Variants in MCTP1 observed in about 807,000 individuals in gnomAD.
MCTP1 encodes the protein multiple C2 and transmembrane domain-containing protein 1.
MCTP1 carries 69 observed loss-of-function variants against 120.6 expected under a neutral mutation model. The observed-to-expected ratio is 0.57, with a 90% CI of 0.47 to 0.70. MCTP1 has a LOEUF of 0.70. Ranked by LOEUF, MCTP1 falls within the 30% of genes least tolerant of loss-of-function variation. MCTP1 has a pLI of 0.00. For synonymous variants in MCTP1, 529 were observed against 493.1 expected (o/e 1.07, Z -0.96); for missense variants, 1,203 against 1,248.8 (o/e 0.96, Z 0.55).
intron 19 of MCTP1, among the ~76,000 whole-genome samples, chr5:94,738,327 A>C (rs569577776): frequency 6.6e-6 from 1 of 152,116 alleles, no homozygotes; most frequent in Non-Finnish European, 1.5e-5. Context: ...AAGAATTGCC[A>C]TTTATATCAT....
intron 1 of MCTP1, among the ~76,000 whole-genome samples, chr5:95,220,894 A>G (rs1451624205): frequency 6.6e-6 from 1 of 152,242 alleles, no homozygotes; most frequent in Admixed American, 6.5e-5. Flanking sequence ...AATGATTTAG[A>G]AAAGGCAGTA....
chr5:95,028,442 C>T (rs1199344294), intron 1 of MCTP1, among the ~76,000 whole-genome samples: 2 of 152,132 alleles, frequency 1.3e-5, no homozygotes, highest in African/African-American at 4.8e-5. Flanking sequence ...AATACTCAGA[C>T]CCAATAAATG....
At chr5:95,275,106 G>A (rs1331443599) in intron 1 of MCTP1, among the ~76,000 whole-genome samples, 1 of 152,156 alleles carries the variant, frequency 6.6e-6, no homozygotes, top group Non-Finnish European at 1.5e-5. Flanking sequence ...GACAACACAT[G>A]CCTAGCACTT....
rs187274803 is a variant in MCTP1 at position 95,260,122 on chromosome 5, T to C, written c.720+23734A>G. 1.4e-3 allele frequency among the ~76,000 whole-genome samples: 212 copies of C among 152,296 alleles called. 1 individual carries two copies. The highest frequency in any genetic ancestry group is 4.9e-3 in the African/African-American group (202 of 41,558). The stretch of plus-strand genomic sequence containing the variant: ...TCTGTAATCTGTATCAACTATGCCT[T>C]CCCCATGTATCTGTAAGGGTATTTT... On this transcript the variant is annotated intron_variant, in intron 1 of 22. Coordinates refer to ENST00000515393, the MANE Select transcript of MCTP1 (RefSeq NM_024717.7).
chr5:95,276,931 C>G lies in MCTP1; in HGVS notation c.720+6925G>C, dbSNP rs186284601. On this transcript the variant is annotated intron_variant, in intron 1 of 22. Transcript: ENST00000515393. The stretch of plus-strand genomic sequence containing the variant: ...CGTGCCACTGCACTCCAGCCTGGGC[C>G]ACAGAGGGAGACTCGGTCTCAAAAA... 6.9e-3 allele frequency among the ~76,000 whole-genome samples: 1,047 copies of G among 151,812 alleles called. 10 individuals carry two copies. The highest frequency in any genetic ancestry group is 0.034 in the South Asian group (162 of 4,792).
rs1409196354 is a variant in MCTP1 at position 94,919,358 on chromosome 5, CGTT to C, written c.1273-1388_1273-1386del. Among the ~76,000 whole-genome samples the C allele has an allele frequency of 2.0e-5, 3 of 151,668 alleles. 1 individual carries two copies. The highest frequency in any genetic ancestry group is 7.3e-5 in the African/African-American group (3 of 41,234). On this transcript the variant is annotated intron_variant, in intron 7 of 22. Transcript: ENST00000515393. Reference sequence around the variant, plus strand: ...TAAAAATGAGATATTTTATTTTTCTCGTTGTGATTTAAAAATGGAAAATTAAAA... The same window carrying C: ...TAAAAATGAGATATTTTATTTTTCTCGTGATTTAAAAATGGAAAATTAAAA...
intron 1 of MCTP1, among the ~76,000 whole-genome samples, chr5:95,127,964 T>C (rs1027179931): frequency 2.0e-5 from 3 of 152,180 alleles, no homozygotes; most frequent in Middle Eastern, 3.2e-3. Context: ...GGTGTTCTTC[T>C]GCACCTTGTT....
rs1448022095 is a variant in MCTP1 at position 94,706,128 on chromosome 5, C to T, written c.*1368G>A. On this transcript the variant is annotated 3_prime_UTR_variant, in exon 23 of 23. Transcript: ENST00000515393. ...CTTTTCTATAGTTTTTCCAGTATAACCCCCACTTTTACCCCATCCAAGTTT... is the reference window on the plus strand; with the variant it reads ...CTTTTCTATAGTTTTTCCAGTATAATCCCCACTTTTACCCCATCCAAGTTT... The T allele has an allele frequency of 1.3e-5, 2 of 151,452 alleles. No homozygotes were observed. Among genetic ancestry groups the T allele is most frequent in the South Asian group, 2.1e-4 (1 of 4,818 alleles). The allele number at this position is 151,452 out of a possible 1,614,324, so 9.4% of individuals were successfully genotyped here.
intron 1 of MCTP1, among the ~76,000 whole-genome samples, chr5:95,173,293 T>C (rs1006180038): frequency 5.3e-5 from 8 of 152,144 alleles, no homozygotes; most frequent in African/African-American, 1.9e-4. Flanking sequence ...GATTCCTCTA[T>C]TCAAATTGCA....
At chr5:94,990,181 G>A (rs889510705) in intron 2 of MCTP1, among the ~76,000 whole-genome samples, 2 of 152,068 alleles carry the variant, frequency 1.3e-5, no homozygotes, top group African/African-American at 4.8e-5. Flanking sequence ...CTCCACCATG[G>A]GCTGTGTTAA....
intron 1 of MCTP1, among the ~76,000 whole-genome samples, chr5:95,026,351 T>C (rs1218475518): frequency 1.3e-5 from 2 of 152,144 alleles, no homozygotes; most frequent in African/African-American, 4.8e-5. Context: ...TATTTTTTAC[T>C]ACAGTCACCC....
chr5:95,112,592 T>A (rs539665143), intron 1 of MCTP1, among the ~76,000 whole-genome samples: 1 of 152,324 alleles, frequency 6.6e-6, no homozygotes, highest in South Asian at 2.1e-4. Context: ...TAAGAAATAA[T>A]CTGAGGACAA....
intron 1 of MCTP1, among the ~76,000 whole-genome samples, chr5:95,164,171 T>C (rs1746059918): frequency 6.6e-6 from 1 of 152,212 alleles, no homozygotes. Context: ...TGAGGTTTTT[T>C]CCTTTATCTT....
At chr5:95,148,487 T>C (rs1760612733) in intron 1 of MCTP1, among the ~76,000 whole-genome samples, 1 of 152,250 alleles carries the variant, frequency 6.6e-6, no homozygotes, top group Non-Finnish European at 1.5e-5. Flanking sequence ...GTCTATTCTG[T>C]TAATGCTTCT....
At chr5:95,215,387 T>A (rs563130370) in intron 1 of MCTP1, among the ~76,000 whole-genome samples, 1 of 152,342 alleles carries the variant, frequency 6.6e-6, no homozygotes, top group African/African-American at 2.4e-5. Flanking sequence ...TCCTTCCCTT[T>A]CTGTCTTCTT....
intron 17 of MCTP1, among the ~76,000 whole-genome samples, chr5:94,851,443 AT>A (rs1793675971): frequency 6.6e-6 from 1 of 152,020 alleles, no homozygotes. Context: ...CACTGGCAAC[AT>A]TTTTAAAGGC....
At chr5:95,077,203 A>T (rs1042071759) in intron 1 of MCTP1, among the ~76,000 whole-genome samples, 1 of 152,198 alleles carries the variant, frequency 6.6e-6, no homozygotes, top group Non-Finnish European at 1.5e-5. Flanking sequence ...TTTAAAAATG[A>T]TCTTAAGAGT....
chr5:94,953,849 CTATA>C (rs1283009381), intron 2 of MCTP1, among the ~76,000 whole-genome samples: 2 of 32,240 alleles, frequency 6.2e-5, no homozygotes, highest in South Asian at 7.7e-4. Flanking sequence ...ATATACACAA[CTATA>C]TATATGCATA....
intron 17 of MCTP1, among the ~76,000 whole-genome samples, chr5:94,832,240 T>C (rs988511860): frequency 1.0e-5 from 1 of 97,148 alleles, no homozygotes; most frequent in African/African-American, 7.5e-5. Flanking sequence ...CCTCCTTGCA[T>C]AAGCCATTGT....
Sources: gnomAD v4.1 joint callset for allele counts (sites outside exome capture counted in the v4.1 genomes callset) on GRCh38, gnomAD v4.1.1 for gene constraint, MANE v1.5 for transcripts, NCBI Gene and HGNC (gene_info 2026-07-23, HGNC 2026-07-21) for gene names.